IGSF23: variants seen among roughly 807,000 people sequenced by gnomAD.
The protein encoded by IGSF23 is immunoglobulin superfamily, member 23.
A neutral mutation model predicts 17.8 loss-of-function variants in IGSF23; 14 were observed. The observed-to-expected ratio is 0.79, with a 90% confidence interval of 0.52 to 1.23. The LOEUF (loss-of-function observed/expected upper bound fraction) is 1.23. IGSF23 is among the 50% of genes most tolerant of loss of function. The probability of loss-of-function intolerance (pLI) is 0.00; values close to 1 mark genes in which losing one functional copy is unlikely to be tolerated. For synonymous variants in IGSF23, 85 were observed against 92.5 expected, an observed-to-expected ratio of 0.92 and a Z score of 0.46; for missense variants, 214 against 241.7, an observed-to-expected ratio of 0.89 and a Z score of 0.76.
intron 1 of IGSF23, among the ~76,000 whole-genome samples, chr19:44,614,344 A>G (rs543934846): frequency 6.6e-6 from 1 of 152,330 alleles, no homozygotes; most frequent in African/African-American, 2.4e-5. Flanking sequence ...ACATATAAAT[A>G]ATAACAATCA....
Position 44,623,295 on chromosome 19 carries a change from T to C in IGSF23, c.126-412T>C, listed in dbSNP as rs149237233. 2.9e-3 allele frequency among the ~76,000 whole-genome samples: 442 copies of C among 152,282 alleles called. 2 individuals carry two copies. Among genetic ancestry groups the C allele is most frequent in the Non-Finnish European group, 3.5e-3 (240 of 68,018 alleles). On this transcript the variant is annotated intron_variant, in intron 1 of 4. Coordinates refer to ENST00000402988, the MANE Select transcript of IGSF23 (RefSeq NM_001205280.2). ...CATGGGCAACTGGAGCACAGTCCCA[T>C]TGGGGAACTCAGGCCCTGGTGTGGA...
chr19:44,616,906 G>A (rs1470150591), intron 1 of IGSF23, among the ~76,000 whole-genome samples: 1 of 151,722 alleles, frequency 6.6e-6, no homozygotes, highest in African/African-American at 2.4e-5. Flanking sequence ...GAAAAAGAGA[G>A]AGAGAGAGAG....
chr19:44,617,399 G>A (rs1972408206), intron 1 of IGSF23, among the ~76,000 whole-genome samples: 1 of 151,852 alleles, frequency 6.6e-6, no homozygotes, highest in South Asian at 2.1e-4. Flanking sequence ...GTAAATTATT[G>A]GCTAAGAAAG....
chr19:44,629,369 TAGTG>T (rs991266620), intron 3 of IGSF23, among the ~76,000 whole-genome samples: 3 of 152,004 alleles, frequency 2.0e-5, no homozygotes, highest in Admixed American at 1.3e-4. Flanking sequence ...CTGGGCAACA[TAGTG>T]AGACCCCGTC....
At position 44,614,318 on chromosome 19, in the gene IGSF23, G is replaced by A. The variant is rs190541221; in HGVS notation, c.125+548G>A. On this transcript the variant is annotated intron_variant, in intron 1 of 4. Transcript: ENST00000402988. ...ATGCCCTGTCTCACCCCTGCAATCC[G>A]CAACTTAGTAATAATACATATAAAT... is the stretch of plus-strand genomic sequence containing the variant. 8.6e-4 allele frequency among the ~76,000 whole-genome samples: 131 copies of A among 152,144 alleles called. 1 individual carries two copies. Among genetic ancestry groups the A allele is most frequent in the African/African-American group, 3.1e-3 (127 of 41,518 alleles).
chr19:44,615,116 C>T lies in IGSF23; in HGVS notation c.125+1346C>T, dbSNP rs1972341167. ...CATCCTGGCTAACACGGTGAAACCC[C>T]GTCTCTACTAAAAATACAAAAAATT... On this transcript the variant is annotated intron_variant, in intron 1 of 4. Transcript: ENST00000402988. Among the ~76,000 whole-genome samples the T allele has an allele frequency of 2.0e-5, 3 of 151,674 alleles. No homozygotes were observed. In the South Asian group the frequency reaches 6.2e-4, roughly 32 times the overall value.
intron 2 of IGSF23, 50 bp from the exon 3 acceptor site, chr19:44,627,370 G>A (rs1172518305): frequency 1.4e-6 from 2 of 1,456,746 alleles, no homozygotes; most frequent in Non-Finnish European, 1.8e-6. Flanking sequence ...GGGGTGCACA[G>A]GGAGGGCGGG....
At chr19:44,617,588 AC>A (rs1972412732) in intron 1 of IGSF23, among the ~76,000 whole-genome samples, 1 of 152,242 alleles carries the variant, frequency 6.6e-6, no homozygotes, top group Admixed American at 6.5e-5. Flanking sequence ...CAAGGTTATA[AC>A]TTAATCAGTG....
At chr19:44,625,605 G>A (rs1211640505) in intron 2 of IGSF23, among the ~76,000 whole-genome samples, 1 of 152,200 alleles carries the variant, frequency 6.6e-6, no homozygotes, top group African/African-American at 2.4e-5. Context: ...ACGAAAACAA[G>A]GGGTGACTGA....
intron 1 of IGSF23, chr19:44,620,962 C>A (rs576306892): frequency 6.6e-6 from 1 of 152,338 alleles, no homozygotes; most frequent in African/African-American, 2.4e-5. Flanking sequence ...TAAATGCCTA[C>A]AACAATGCCT....
chr19:44,634,341 T>C (rs1359437219), intron 3 of IGSF23, among the ~76,000 whole-genome samples: 2 of 152,254 alleles, frequency 1.3e-5, no homozygotes, highest in East Asian at 3.8e-4. Context: ...GTTTTCTTTT[T>C]TCCCCTATCT....
chr19:44,619,380 C>G (rs546840265), intron 1 of IGSF23, among the ~76,000 whole-genome samples: 1 of 152,316 alleles, frequency 6.6e-6, no homozygotes, highest in African/African-American at 2.4e-5. Context: ...ACGCATTCAT[C>G]ATCACTTGGG....
chr19:44,635,056 G>C (rs974020880), intron 3 of IGSF23, among the ~76,000 whole-genome samples: 2 of 151,518 alleles, frequency 1.3e-5, no homozygotes, highest in African/African-American at 2.4e-5. Context: ...CTGGATGCTG[G>C]AAGTCCAAGA....
chr19:44,617,995 C>T (rs1972423905), intron 1 of IGSF23: 7 of 424,098 alleles, frequency 1.7e-5, no homozygotes, highest in South Asian at 1.2e-4. Flanking sequence ...ATTTTTGCAA[C>T]ATCCAGTATA....
intron 1 of IGSF23, 80 bp downstream of exon 1, chr19:44,613,850 A>G: frequency 6.5e-7 from 1 of 1,546,740 alleles, no homozygotes; most frequent in Non-Finnish European, 8.7e-7. Context: ...GGGGCTGCAG[A>G]CGCGACTGTA....
intron 3 of IGSF23, among the ~76,000 whole-genome samples, chr19:44,629,705 C>A (rs961043171): frequency 3.5e-5 from 5 of 141,882 alleles, no homozygotes; most frequent in Non-Finnish European, 7.5e-5. Flanking sequence ...GCAATCTCGG[C>A]TCACTGCAAC....
chr19:44,623,573 A>T, intron 1 of IGSF23, 134 bp from the exon 2 acceptor site: 1 of 980,852 alleles, frequency 1.0e-6, no homozygotes. Context: ...AGGCTCTTCA[A>T]ACACATTCAT....
intron 3 of IGSF23, 81 bp downstream of exon 3, chr19:44,627,654 CAG>C: frequency 7.0e-7 from 1 of 1,436,628 alleles, no homozygotes; most frequent in Non-Finnish European, 9.3e-7. Context: ...AACAAGGAAA[CAG>C]AGATGAAACC....
In IGSF23 at chr19:44,623,882, T is replaced by A. The variant is rs1371962908; in HGVS notation, c.301T>A (p.Leu101Met). 6 of 1,550,736 alleles carry A rather than the reference T, an allele frequency of 3.9e-6. No individual in the cohort carries two copies. In the African/African-American group the frequency reaches 8.2e-5, roughly 21 times the overall value. Residue 101 changes from leucine (L) to methionine (M), a missense_variant, in exon 2 of 5, where the codon TTG becomes ATG. Coordinates refer to ENST00000402988, the MANE Select transcript of IGSF23 (RefSeq NM_001205280.2). ...GMGEKLFIRR[L>M]SCEQLGTYMC... ...GGGAGAGAAGCTGTTCATCCGACGG[T>A]TGTCCTGTGAGCAGCTGGGCACCTA...
Sources: allele counts gnomAD v4.1 joint callset (sites outside exome capture counted in the v4.1 genomes callset), GRCh38; gene constraint gnomAD v4.1.1; transcripts MANE v1.5; gene names NCBI Gene and HGNC (gene_info 2026-07-23, HGNC 2026-07-21).